Variants in ARID1B observed in about 807,000 individuals in gnomAD.
ARID1B encodes the protein AT-rich interaction domain 1B.
In ARID1B, 30 loss-of-function variants were observed where a neutral mutation model predicts 212.3. The ratio of observed to expected loss-of-function variants is 0.14; its 90% CI spans 0.11 to 0.19. The LOEUF (loss-of-function observed/expected upper bound fraction) is 0.19. ARID1B is among the 10% of genes least tolerant of loss of function. The pLI is 1.00. For synonymous variants in ARID1B, 1,402 were observed against 1,301.7 expected (o/e 1.08, Z -1.66); for missense variants, 2,891 against 3,204.0 (o/e 0.90, Z 2.36).
intron 2 of ARID1B, among the ~76,000 whole-genome samples, chr6:156,875,971 T>G (rs942850559): frequency 6.6e-6 from 1 of 152,242 alleles, no homozygotes; most frequent in African/African-American, 2.4e-5. Flanking sequence ...CATTCCAGAT[T>G]TTAGTGTTAC....
At chr6:157,042,570 T>C (rs2128530235) in intron 4 of ARID1B, among the ~76,000 whole-genome samples, 1 of 152,240 alleles carries the variant, frequency 6.6e-6, no homozygotes, top group East Asian at 1.9e-4. Flanking sequence ...GGAAGCATAT[T>C]GTATTACTCT....
At chr6:157,058,973 T>C (rs1270104524) in intron 4 of ARID1B, among the ~76,000 whole-genome samples, 2 of 151,942 alleles carry the variant, frequency 1.3e-5, no homozygotes, top group African/African-American at 4.8e-5. Flanking sequence ...CGGATTTTGG[T>C]AGGAAAGATT....
chr6:156,948,535 G>A (rs1351774694), intron 4 of ARID1B, among the ~76,000 whole-genome samples: 1 of 152,158 alleles, frequency 6.6e-6, no homozygotes, highest in Non-Finnish European at 1.5e-5. Flanking sequence ...GAGCCACAGT[G>A]CCCAGCCCCA....
intron 16 of ARID1B, among the ~76,000 whole-genome samples, chr6:157,196,748 C>G (rs1013991740): frequency 1.3e-5 from 2 of 152,226 alleles, no homozygotes; most frequent in Admixed American, 6.5e-5. Flanking sequence ...GGTAGCCACA[C>G]TGGGCTTTCA....
Position 157,201,949 on chromosome 6 carries a change from C to T in ARID1B, c.5263+461C>T, listed in dbSNP as rs1794144404. 6.6e-6 allele frequency among the ~76,000 whole-genome samples: 1 copy of T among 152,282 alleles called. No individual in the cohort carries two copies. The highest frequency in any genetic ancestry group is 1.9e-4 in the East Asian group (1 of 5,188). On this transcript the variant is annotated intron_variant, in intron 18 of 19. Coordinates refer to ENST00000636930, the MANE Select transcript of ARID1B (RefSeq NM_001374828.1). This position sits in a 1 kb window ranked among gnomAD's most constrained non-coding sequence, Gnocchi z 5.2. Reference sequence around the variant, plus strand: ...CTACAATACGTGCCTAACAGACCCCCCCATGAGGCTAATGAAATGCTAAAG... The same window carrying T: ...CTACAATACGTGCCTAACAGACCCCTCCATGAGGCTAATGAAATGCTAAAG...
chr6:157,005,699 C>T (rs1779213749), intron 4 of ARID1B, among the ~76,000 whole-genome samples: 3 of 152,116 alleles, frequency 2.0e-5, no homozygotes, highest in Admixed American at 6.5e-5. Flanking sequence ...ATCCCAATAC[C>T]GTAAAGTTTA....
chr6:156,997,854 A>G (rs568558373), intron 4 of ARID1B, among the ~76,000 whole-genome samples: 41 of 152,354 alleles, frequency 2.7e-4, no homozygotes, highest in South Asian at 1.2e-3. Flanking sequence ...GAAGACTGCA[A>G]TTACACAAAA....
At chr6:156,783,911 G>T (rs2115078709) in intron 1 of ARID1B, among the ~76,000 whole-genome samples, 1 of 152,272 alleles carries the variant, frequency 6.6e-6, no homozygotes, top group South Asian at 2.1e-4. Flanking sequence ...CTTTTGTTTT[G>T]GAGTGTATGT....
Position 156,851,232 on chromosome 6 carries a change from G to T in ARID1B, c.1986+21811G>T, listed in dbSNP as rs1784562426. On this transcript the variant is annotated intron_variant, in intron 2 of 19. Coordinates refer to ENST00000636930, the MANE Select transcript of ARID1B (RefSeq NM_001374828.1). ...CACTAGGGGCTGCTTCTAGAAAGGG[G>T]ACCCAGATCTTAAGACTTCGAGGAG... 2.6e-5 allele frequency among the ~76,000 whole-genome samples: 4 copies of T among 152,134 alleles called. No homozygotes were observed. In the South Asian group the frequency reaches 8.3e-4, roughly 32 times the overall value.
At position 157,206,330 on chromosome 6, in the gene ARID1B, A is replaced by G. The variant is rs1040854960; in HGVS notation, c.5558A>G (p.Lys1853Arg). ...DSQSLADDSG[K>R]EEEDAECIDD... ...CAGTCCTTGGCAGACGATTCTGGGA[A>G]AGAGGAGGAAGATGCTGAATGTATT... The change falls in exon 20 of 20, where the codon AAA becomes AGA. Residue 1853 changes from lysine to arginine, a missense_variant. Physicochemically the swap from Lys to Arg is conservative, Grantham distance 26. Around this residue, in one of 7 missense-constraint regions of ARID1B, gnomAD observed 332 missense variants for 369.2 expected, o/e 0.90. Transcript: ENST00000636930. The surrounding 1 kb of genome is among the most constrained non-coding windows in gnomAD (Gnocchi z 6.8). The G allele has an allele frequency of 1.2e-6, 2 of 1,614,186 alleles. No individual in the cohort carries two copies. The highest frequency in any genetic ancestry group is 1.3e-5 in the African/African-American group (1 of 75,048).
At position 157,207,683 on chromosome 6, in the gene ARID1B, A is replaced by T. The variant is rs1426026926; in HGVS notation, c.6911A>T (p.His2304Leu). ...QYQQSQHNLM[H>L]MQPPPLEPPS... ...CAGCAGAGCCAGCACAACCTCATGC[A>T]CATGCAGCCCCCGCCCCTGGAACCA... Residue 2304 changes from histidine to leucine, a missense_variant, in exon 20 of 20, where the codon CAC becomes CTC. By Grantham distance (99) the His-to-Leu change is moderately conservative (BLOSUM62 -3). Coordinates refer to ENST00000636930, the MANE Select transcript of ARID1B (RefSeq NM_001374828.1). This position sits in a 1 kb window ranked among gnomAD's most constrained non-coding sequence, Gnocchi z 8.5. 6.2e-7 allele frequency: 1 copy of T among 1,610,680 alleles called. No homozygotes were observed. The highest frequency in any genetic ancestry group is 8.5e-7 in the Non-Finnish European group (1 of 1,177,060).
chr6:157,074,327 A>G (rs1784181792), intron 4 of ARID1B, among the ~76,000 whole-genome samples: 1 of 152,118 alleles, frequency 6.6e-6, no homozygotes, highest in Admixed American at 6.5e-5. Flanking sequence ...CCGGGGTTCA[A>G]GCAATTCTCG....
At position 157,161,431 on chromosome 6, in the gene ARID1B, G is replaced by GTATATA. The variant is rs199731974; in HGVS notation, c.3090-5591_3090-5586dup. Among the ~76,000 whole-genome samples the GTATATA allele has an allele frequency of 3.0e-3, 413 of 139,398 alleles. 5 individuals carry two copies. The highest frequency in any genetic ancestry group is 0.01 in the African/African-American group (365 of 35,842). 91.5% of individuals were successfully genotyped at this position (139,398 alleles called of 152,430 possible). On this transcript the variant is annotated intron_variant, in intron 8 of 19. Transcript: ENST00000636930. ...TATTTTCTGTTTTGATTGTGTGTGT[G>GTATATA]TATATATATATATATATATATATTT...
At chr6:156,901,610 A>G (rs1291210477) in intron 3 of ARID1B, 85 bp downstream of exon 3, 15 of 1,461,192 alleles carry the variant, frequency 1.0e-5, no homozygotes, top group Admixed American at 2.6e-5. Context: ...TCCTTTATTA[A>G]AAATTATGTT....
chr6:156,779,442 A>G lies in ARID1B; in HGVS notation c.1762A>G (p.Thr588Ala). The G allele has an allele frequency of 1.4e-6, 2 of 1,454,838 alleles. No homozygotes were observed. Among genetic ancestry groups the G allele is most frequent in the Non-Finnish European group, 1.8e-6 (2 of 1,100,210 alleles). The allele number at this position is 1,454,838 out of a possible 1,614,324, so 90.1% of individuals were successfully genotyped here. A position where few individuals can be genotyped will look rare whatever the true frequency, so the allele number is the denominator to read the frequency against. ...QRSHPAMSPG[T>A]PGPTMGRSQG... ...GAGTCACCCGGCGATGAGCCCCGGC[A>G]CCCCCGGACCGACCATGGGCAGATC... The change falls in exon 1 of 20, where the codon ACC (threonine) becomes GCC (alanine). Residue 588 changes from threonine (T) to alanine (A), a missense_variant. Physicochemically the swap from Thr to Ala is moderately conservative, Grantham distance 58. Coordinates refer to ENST00000636930, the MANE Select transcript of ARID1B (RefSeq NM_001374828.1).
chr6:157,201,890 T>G lies in ARID1B; in HGVS notation c.5263+402T>G, dbSNP rs1000664184. Among the ~76,000 whole-genome samples the G allele has an allele frequency of 1.3e-5, 2 of 152,208 alleles. No homozygotes were observed. Among genetic ancestry groups the G allele is most frequent in the Non-Finnish European group, 2.9e-5 (2 of 68,046 alleles). On this transcript the variant is annotated intron_variant, in intron 18 of 19. Coordinates refer to ENST00000636930, the MANE Select transcript of ARID1B (RefSeq NM_001374828.1). This position sits in a 1 kb window ranked among gnomAD's most constrained non-coding sequence, Gnocchi z 5.2. ...AGTGGTTATATGCTGTATTTTGGGCTTAAAGATTTGAACTTAACCAAGCCA... is the reference window on the plus strand; with the variant it reads ...AGTGGTTATATGCTGTATTTTGGGCGTAAAGATTTGAACTTAACCAAGCCA...
chr6:157,167,782 A>T (rs886629722), intron 9 of ARID1B: 13 of 152,474 alleles, frequency 8.5e-5, no homozygotes, highest in African/African-American at 3.1e-4. Context: ...GCAGTGGATG[A>T]GTAGCCAATG....
At chr6:156,959,773 A>G (rs544540817) in intron 4 of ARID1B, among the ~76,000 whole-genome samples, 1 of 152,204 alleles carries the variant, frequency 6.6e-6, no homozygotes, top group East Asian at 1.9e-4. Context: ...GGGTAAGTAA[A>G]TAAAAAATAT....
In ARID1B at chr6:157,203,637, C is replaced by A; in HGVS notation, c.5264-229C>A. 1.9e-6 allele frequency: 1 copy of A among 536,800 alleles called. No homozygotes were observed. The allele number at this position is 536,800 out of a possible 1,614,324, so 33.3% of individuals were successfully genotyped here. On this transcript the variant is annotated intron_variant, in intron 18 of 19. Transcript: ENST00000636930. The surrounding 1 kb of genome is among the most constrained non-coding windows in gnomAD (Gnocchi z 4.4). ...ACTCCACCTCCAGAAGCACTTTCGG[C>A]CCCTGCGTGACCAACAAAGCGAGAT...
Sources: allele counts gnomAD v4.1 joint callset (sites outside exome capture counted in the v4.1 genomes callset), GRCh38; gene constraint gnomAD v4.1.1; regional missense constraint gnomAD v4.1.1; non-coding constraint Gnocchi (gnomAD v3.1); transcripts MANE v1.5; gene names NCBI Gene and HGNC (gene_info 2026-07-23, HGNC 2026-07-21).